The following PLCE1 variants were observed in gnomAD, a reference collection of about 807,000 sequenced individuals.
The protein encoded by PLCE1 is phospholipase C epsilon 1.
Under a neutral mutation model 242.8 loss-of-function variants are expected in PLCE1, and 119 were observed. The observed-to-expected ratio is 0.49, with a 90% CI of 0.42 to 0.57. The LOEUF (loss-of-function observed/expected upper bound fraction) is 0.57, where lower values mean the gene tolerates loss of function less well. PLCE1 is among the 20% of genes least tolerant of loss of function. PLCE1 has a pLI of 0.00. For missense variants in PLCE1, 2,441 were observed against 2,788.8 expected (o/e 0.88, Z 2.81); for synonymous variants, 945 against 1,017.4 (o/e 0.93, Z 1.35).
At chr10:94,045,220 C>T (rs973002232) in intron 2 of PLCE1, among the ~76,000 whole-genome samples, 23 of 151,898 alleles carry the variant, frequency 1.5e-4, no homozygotes, top group African/African-American at 5.1e-4. Context: ...CCCAGGTTGG[C>T]GTCAAGTAAT....
At chr10:94,169,476 G>T (rs2136301710) in intron 3 of PLCE1, among the ~76,000 whole-genome samples, 1 of 152,242 alleles carries the variant, frequency 6.6e-6, no homozygotes, top group South Asian at 2.1e-4. Context: ...GTGGGCCTTG[G>T]AGAGGAGGAA....
chr10:94,056,949 T>C lies in PLCE1; in HGVS notation c.1206+24697T>C, dbSNP rs370851702. 1.2e-4 allele frequency among the ~76,000 whole-genome samples: 18 copies of C among 152,306 alleles called. 1 individual carries two copies. In the East Asian group the frequency reaches 2.7e-3, roughly 23 times the overall value. On this transcript the variant is annotated intron_variant, in intron 2 of 32. Transcript: ENST00000371380. ...CGTTTTTCACTTAGTGTAATGTTTC[T>C]AAGGTTCATCATGTTACAGCATATG...
intron 2 of PLCE1, among the ~76,000 whole-genome samples, chr10:94,090,136 C>T (rs1371681426): frequency 1.3e-5 from 2 of 151,840 alleles, no homozygotes; most frequent in Non-Finnish European, 2.9e-5. Context: ...GTTTTCTGCT[C>T]ACCACCAACT....
intron 3 of PLCE1, among the ~76,000 whole-genome samples, chr10:94,169,382 A>G (rs1231596518): frequency 1.3e-5 from 2 of 152,240 alleles, no homozygotes; most frequent in Non-Finnish European, 2.9e-5. Flanking sequence ...CAAAGAAGTC[A>G]GTAGAAAGTG....
At chr10:94,032,339 G>A in intron 2 of PLCE1, 87 bp downstream of exon 2, 3 of 1,235,570 alleles carry the variant, frequency 2.4e-6, no homozygotes, top group Non-Finnish European at 3.5e-6. Context: ...CATAATTGAT[G>A]AGAAATTTTA....
rs375945948 is a variant in PLCE1, at chr10:94,010,874, T to A, written c.-365+16616T>A. On this transcript the variant is annotated intron_variant, in intron 1 of 32. Transcript: ENST00000371380. ...CATATTTCTATCAGTATTTTGGTCA[T>A]GACCATTTAACCAGTCTCTCTAAGA... Among the ~76,000 whole-genome samples the A allele has an allele frequency of 8.5e-5, 13 of 152,322 alleles. No homozygotes were observed. In the East Asian group the frequency reaches 2.1e-3, roughly 25 times the overall value.
rs761124922 is a variant in PLCE1 at position 94,032,147 on chromosome 10, G to A, written c.1101G>A (p.Lys367=). ...GLTAWSYIDQ[K]RNGPLLPCGR... ...CTGCATGGAGTTACATAGATCAGAAGAGAAATGGTCCCTTACTGCCTTGTG... is the reference window on the plus strand; with the variant it reads ...CTGCATGGAGTTACATAGATCAGAAAAGAAATGGTCCCTTACTGCCTTGTG... Residue 367 remains lysine, a synonymous_variant, in exon 2 of 33, where the codon AAG becomes AAA. Coordinates refer to ENST00000371380, the MANE Select transcript of PLCE1 (RefSeq NM_016341.4). 10 of 1,609,472 alleles carry A rather than the reference G, an allele frequency of 6.2e-6. No individual in the cohort carries two copies. The highest frequency in any genetic ancestry group is 2.7e-5 in the African/African-American group (2 of 74,504).
At chr10:94,219,971 G>A (rs1282320125) in intron 4 of PLCE1, among the ~76,000 whole-genome samples, 1 of 151,912 alleles carries the variant, frequency 6.6e-6, no homozygotes, top group Non-Finnish European at 1.5e-5. Context: ...TCTCTCCTAA[G>A]CAAAGAGTCA....
rs28529499 is a variant in PLCE1, at chr10:94,262,872, T to G, written c.4053+140T>G. ...AGATATACAGTTTTGTTTTTTTTTT[T>G]GTTTTTTTGGGTGTTTTTGAGACAG... On this transcript the variant is annotated intron_variant, in intron 14 of 32. Coordinates refer to ENST00000371380, the MANE Select transcript of PLCE1 (RefSeq NM_016341.4). The G allele has an allele frequency of 7.1e-4, 511 of 724,446 alleles. 1 individual carries two copies. The African/African-American group carries it at 8.2e-3, about 12-fold the overall frequency. 44.9% of individuals were successfully genotyped at this position (724,446 alleles called of 1,614,324 possible). A position where few individuals can be genotyped will look rare whatever the true frequency, so the allele number is the denominator to read the frequency against.
intron 2 of PLCE1, among the ~76,000 whole-genome samples, chr10:94,037,596 A>G (rs2061689232): frequency 6.6e-6 from 1 of 152,122 alleles, no homozygotes; most frequent in Non-Finnish European, 1.5e-5. Context: ...GTATAGGATG[A>G]TGCTGGCCCC....
intron 7 of PLCE1, among the ~76,000 whole-genome samples, chr10:94,245,030 T>C (rs2050630587): frequency 6.6e-6 from 1 of 152,182 alleles, no homozygotes; most frequent in Admixed American, 6.5e-5. Flanking sequence ...GCCAGCCTAT[T>C]AAGTCCTTTT....
intron 2 of PLCE1, among the ~76,000 whole-genome samples, chr10:94,057,881 T>G (rs1211463650): frequency 6.6e-6 from 1 of 152,210 alleles, no homozygotes; most frequent in African/African-American, 2.4e-5. Context: ...AGGGTTCATT[T>G]CCTTCTCCTA....
In PLCE1 at chr10:94,042,370, T is replaced by C. The variant is rs375841044; in HGVS notation, c.1206+10118T>C. Among the ~76,000 whole-genome samples, 17 of 152,320 alleles carry C rather than the reference T, an allele frequency of 1.1e-4. No individual in the cohort carries two copies. The East Asian group carries it at 1.7e-3, about 16-fold the overall frequency. ...TATCTTTTCTTTCCTTTCATTCTCA[T>C]GGCGACTGTCTATGAGGTTAAACAC... On this transcript the variant is annotated intron_variant, in intron 2 of 32. Coordinates refer to ENST00000371380, the MANE Select transcript of PLCE1 (RefSeq NM_016341.4).
intron 4 of PLCE1, among the ~76,000 whole-genome samples, chr10:94,217,129 G>A (rs972984611): frequency 1.3e-5 from 2 of 151,606 alleles, no homozygotes. Context: ...CTTTGCAGGT[G>A]TGTAACCTTG....
At chr10:94,036,979 A>G (rs2061676428) in intron 2 of PLCE1, among the ~76,000 whole-genome samples, 1 of 152,200 alleles carries the variant, frequency 6.6e-6, no homozygotes, top group Non-Finnish European at 1.5e-5. Flanking sequence ...ACTCAGATAC[A>G]CTAAAGAGTA....
chr10:94,250,752 A>G (rs2050846999), intron 8 of PLCE1, among the ~76,000 whole-genome samples: 1 of 152,242 alleles, frequency 6.6e-6, no homozygotes, highest in Admixed American at 6.5e-5. Context: ...ATTATTTTAC[A>G]TGTAAACTAT....
At chr10:94,196,007 C>A (rs1428165724) in intron 4 of PLCE1, among the ~76,000 whole-genome samples, 1 of 152,130 alleles carries the variant, frequency 6.6e-6, no homozygotes, top group Non-Finnish European at 1.5e-5. Context: ...GAATCCCAGC[C>A]ACATTGTTTA....
intron 3 of PLCE1, among the ~76,000 whole-genome samples, chr10:94,136,765 A>C (rs2046788385): frequency 6.6e-6 from 1 of 152,234 alleles, no homozygotes; most frequent in Non-Finnish European, 1.5e-5. Flanking sequence ...GGTTTGCCAA[A>C]TAACCAGAGA....
chr10:94,101,326 C>A (rs1188550124), intron 2 of PLCE1, among the ~76,000 whole-genome samples: 2 of 151,476 alleles, frequency 1.3e-5, no homozygotes, highest in African/African-American at 4.9e-5. Flanking sequence ...ATTTTTAAAG[C>A]TGAGGAAAAA....
Sources: allele counts gnomAD v4.1 joint callset (sites outside exome capture counted in the v4.1 genomes callset), GRCh38; gene constraint gnomAD v4.1.1; transcripts MANE v1.5; gene names NCBI Gene and HGNC (gene_info 2026-07-23, HGNC 2026-07-21).